Variants in CALCRL observed in about 807,000 individuals in gnomAD.
CALCRL encodes the protein calcitonin receptor like receptor.
CALCRL carries 27 observed loss-of-function variants against 60.4 expected under a neutral mutation model. The observed-to-expected ratio is 0.45, with a 90% CI of 0.33 to 0.62. CALCRL has a LOEUF of 0.62. CALCRL is among the 20% of genes least tolerant of loss of function. The pLI, the probability that CALCRL is intolerant of heterozygous loss-of-function variation, is 0.03. For missense variants in CALCRL, 424 were observed against 540.7 expected (o/e 0.78, Z 2.14); for synonymous variants, 190 against 182.6 (o/e 1.04, Z -0.33).
chr2:187,414,924 GT>G (rs1689539234), intron 1 of CALCRL, among the ~76,000 whole-genome samples: 2 of 141,348 alleles, frequency 1.4e-5, no homozygotes, highest in South Asian at 4.7e-4. Flanking sequence ...TTTTTCAAAT[GT>G]TTTTCCCCCA....
At chr2:187,383,403 G>A (rs897094167) in intron 4 of CALCRL, 98 bp from the exon 5 acceptor site, 18 of 956,972 alleles carry the variant, frequency 1.9e-5, no homozygotes, top group African/African-American at 1.4e-4. Context: ...CAGCAAGTGC[G>A]GTGATGTACT....
In CALCRL at chr2:187,342,720, A is replaced by G. The variant is rs1686136230; in HGVS notation, c.*3464T>C. ...GTTATTAAGTGGAATGCAACTGATT[A>G]TTGCCCTAAGGATAGAGTGGTTTTG... On this transcript the variant is annotated 3_prime_UTR_variant, in exon 15 of 15. Transcript: ENST00000392370. 6.6e-6 allele frequency among the ~76,000 whole-genome samples: 1 copy of G among 151,590 alleles called. No homozygotes were observed. The highest frequency in any genetic ancestry group is 2.1e-4 in the South Asian group (1 of 4,830).
At position 187,346,074 on chromosome 2, in the gene CALCRL, A is replaced by G; in HGVS notation, c.*110T>C. ...TAATTTCATGTGAAGGCTCTTCTTT[A>G]TGACATTCAAAAAGTCATTTAATAT... On this transcript the variant is annotated 3_prime_UTR_variant, in exon 15 of 15. Coordinates refer to ENST00000392370, the MANE Select transcript of CALCRL (RefSeq NM_005795.6). The G allele has an allele frequency of 1.5e-6, 1 of 649,888 alleles. No individual in the cohort carries two copies. 40.3% of individuals were successfully genotyped at this position (649,888 alleles called of 1,614,324 possible).
chr2:187,403,810 A>G (rs953750370), intron 1 of CALCRL, among the ~76,000 whole-genome samples: 8 of 151,824 alleles, frequency 5.3e-5, no homozygotes, highest in African/African-American at 1.7e-4. Flanking sequence ...ACACATACCA[A>G]ACGCAGCTTA....
intron 1 of CALCRL, among the ~76,000 whole-genome samples, chr2:187,400,202 G>A (rs1198274570): frequency 6.6e-6 from 1 of 151,212 alleles, no homozygotes. Flanking sequence ...CCCATAAATA[G>A]GTAAAATTAT....
chr2:187,343,656 C>T lies in CALCRL; in HGVS notation c.*2528G>A, dbSNP rs1686170484. ...AAAATATGACTTTCACAAGTAATCACAGTAAAATGCAGATCTACATTTTAA... is the reference window on the plus strand; with the variant it reads ...AAAATATGACTTTCACAAGTAATCATAGTAAAATGCAGATCTACATTTTAA... On this transcript the variant is annotated 3_prime_UTR_variant, in exon 15 of 15. Transcript: ENST00000392370. The T allele has an allele frequency of 6.6e-6, 1 of 151,228 alleles. No individual in the cohort carries two copies. The highest frequency in any genetic ancestry group is 2.4e-5 in the African/African-American group (1 of 41,294). 9.4% of individuals were successfully genotyped at this position (151,228 alleles called of 1,614,324 possible). A position where few individuals can be genotyped will look rare whatever the true frequency, so the allele number is the denominator to read the frequency against.
intron 9 of CALCRL, among the ~76,000 whole-genome samples, chr2:187,363,027 C>T (rs16828925): frequency 0.042 from 6,329 of 152,036 alleles, 281 homozygotes; most frequent in East Asian, 0.18. Flanking sequence ...TATTATGTGC[C>T]ATAGCAAGAG....
At chr2:187,391,042 G>T (rs1688420450) in intron 1 of CALCRL, among the ~76,000 whole-genome samples, 1 of 152,120 alleles carries the variant, frequency 6.6e-6, no homozygotes, top group Non-Finnish European at 1.5e-5. Flanking sequence ...CATAATAGAT[G>T]AATCATGGCA....
At chr2:187,363,077 T>C (rs1687126299) in intron 9 of CALCRL, among the ~76,000 whole-genome samples, 2 of 152,158 alleles carry the variant, frequency 1.3e-5, no homozygotes, top group South Asian at 4.1e-4. Flanking sequence ...TATGTGTACA[T>C]GTATAAATAA....
At chr2:187,427,615 T>C (rs1012753648) in intron 1 of CALCRL, among the ~76,000 whole-genome samples, 8 of 152,180 alleles carry the variant, frequency 5.3e-5, no homozygotes, top group Non-Finnish European at 5.9e-5. Context: ...TAATTCCTCT[T>C]ATGAGAGGAA....
At chr2:187,443,670 A>G (rs1229510665) in intron 1 of CALCRL, among the ~76,000 whole-genome samples, 2 of 151,774 alleles carry the variant, frequency 1.3e-5, no homozygotes, top group African/African-American at 4.8e-5. Context: ...TAAAACAATA[A>G]ACATGTTACT....
At chr2:187,373,937 G>A (rs1045321423) in intron 8 of CALCRL, among the ~76,000 whole-genome samples, 1 of 152,140 alleles carries the variant, frequency 6.6e-6, no homozygotes, top group Non-Finnish European at 1.5e-5. Context: ...GAGGCAGGAG[G>A]ATCACTTGAG....
chr2:187,357,828 A>G (rs1686865871), intron 12 of CALCRL, among the ~76,000 whole-genome samples: 1 of 35,614 alleles, frequency 2.8e-5, no homozygotes, highest in Admixed American at 2.1e-4. Context: ...ATGAAAGAAA[A>G]AAAAAGACCC....
At chr2:187,362,575 G>GACACACAC (rs3836102) in intron 9 of CALCRL, among the ~76,000 whole-genome samples, 32 of 151,300 alleles carry the variant, frequency 2.1e-4, no homozygotes, top group South Asian at 6.2e-4. Context: ...ACTTTATATA[G>GACACACAC]ACACACACAC....
At chr2:187,364,932 C>T (rs1328937815) in intron 8 of CALCRL, among the ~76,000 whole-genome samples, 6 of 152,114 alleles carry the variant, frequency 3.9e-5, no homozygotes, top group Admixed American at 2.0e-4. Context: ...ATAGAAACAA[C>T]TGGAACCAGC....
chr2:187,424,942 T>C (rs1370501105), intron 1 of CALCRL, among the ~76,000 whole-genome samples: 1 of 151,972 alleles, frequency 6.6e-6, no homozygotes, highest in Non-Finnish European at 1.5e-5. Context: ...AATAAGGTTT[T>C]TTATAATGTC....
rs1277837795 is a variant in CALCRL, at chr2:187,388,471, A to G, written c.-292-715T>C. 2.0e-5 allele frequency among the ~76,000 whole-genome samples: 3 copies of G among 152,114 alleles called. No individual in the cohort carries two copies. In the East Asian group the frequency reaches 5.8e-4, roughly 29 times the overall value. Reference sequence around the variant, plus strand: ...TATTAGACAATACTCTTACATGCACATTTCACCTGGAAATGTGATAGGGAA... The same window carrying G: ...TATTAGACAATACTCTTACATGCACGTTTCACCTGGAAATGTGATAGGGAA... On this transcript the variant is annotated intron_variant, in intron 1 of 14. Transcript: ENST00000392370.
chr2:187,380,019 G>A (rs1302204438), intron 7 of CALCRL, among the ~76,000 whole-genome samples: 1 of 152,140 alleles, frequency 6.6e-6, no homozygotes, highest in African/African-American at 2.4e-5. Context: ...TTAAGGATGC[G>A]ATAGTTAGTG....
chr2:187,416,044 A>C (rs1311898645), intron 1 of CALCRL, among the ~76,000 whole-genome samples: 1 of 152,186 alleles, frequency 6.6e-6, no homozygotes, highest in African/African-American at 2.4e-5. Context: ...CCTTGTGCTC[A>C]GCCAATAATA....
Sources: gnomAD v4.1 joint callset for allele counts (sites outside exome capture counted in the v4.1 genomes callset) on GRCh38, gnomAD v4.1.1 for gene constraint, MANE v1.5 for transcripts, NCBI Gene and HGNC (gene_info 2026-07-23, HGNC 2026-07-21) for gene names.